KCTD19: variants seen among roughly 807,000 people sequenced by gnomAD.
KCTD19 encodes potassium channel tetramerization domain containing 19.
In KCTD19, 67 loss-of-function variants were observed where a neutral mutation model predicts 103.5. That is an observed-to-expected ratio of 0.65 (90% confidence interval 0.53 to 0.79). KCTD19 has a LOEUF of 0.79. Among genes scored for constraint, KCTD19 ranks in the 30% least tolerant of loss-of-function variants. The pLI is 0.00. For synonymous variants in KCTD19, 439 were observed against 452.2 expected (o/e 0.97, Z 0.37); for missense variants, 980 against 1,136.1 (o/e 0.86, Z 1.98).
At position 67,301,942 on chromosome 16, in the gene KCTD19, C is replaced by G. The variant is rs1567450136; in HGVS notation, c.644-20G>C. 1 of 1,613,342 alleles carries G rather than the reference C, an allele frequency of 6.2e-7. No homozygotes were observed. Among genetic ancestry groups the G allele is most frequent in the Non-Finnish European group, 8.5e-7 (1 of 1,179,496 alleles). ...AATTCACTTGAAAAACAAAGGGGAACACAGTGAGTTAATGAGGCTATTTCT... is the reference window on the plus strand; with the variant it reads ...AATTCACTTGAAAAACAAAGGGGAAGACAGTGAGTTAATGAGGCTATTTCT... On this transcript the variant is annotated intron_variant, in intron 4 of 15. Coordinates refer to ENST00000304372, the MANE Select transcript of KCTD19 (RefSeq NM_001100915.3).
intron 8 of KCTD19, 27 bp from the exon 9 acceptor site, chr16:67,295,432 G>A (rs771780952): frequency 6.3e-7 from 1 of 1,599,788 alleles, no homozygotes; most frequent in East Asian, 2.2e-5. Flanking sequence ...ACCGGACTCA[G>A]TCTCAGAGGC....
intron 15 of KCTD19, among the ~76,000 whole-genome samples, 184 bp downstream of exon 15, chr16:67,290,701 A>ACTGCTT (rs2036676799): frequency 6.6e-6 from 1 of 152,222 alleles, no homozygotes; most frequent in African/African-American, 2.4e-5. Context: ...TGGCCTGAAT[A>ACTGCTT]CTGCTTTTGG....
intron 1 of KCTD19, among the ~76,000 whole-genome samples, chr16:67,326,359 A>T (rs2142533406): frequency 6.6e-6 from 1 of 151,956 alleles, no homozygotes; most frequent in East Asian, 1.9e-4. Context: ...CCCACGCTCC[A>T]ATCCTTCAGA....
chr16:67,290,821 A>T, intron 15 of KCTD19, 64 bp downstream of exon 15: 1 of 1,416,382 alleles, frequency 7.1e-7, no homozygotes, highest in South Asian at 1.3e-5. Flanking sequence ...GTGCAGCAAG[A>T]CACACGTCCA....
In KCTD19 at chr16:67,295,425, G is replaced by A. The variant is rs537551325; in HGVS notation, c.1249-20C>T. ...TGGATACTGGAGGGGGTTGGACACC[G>A]GACTCAGTCTCAGAGGCTAGGTCTT... On this transcript the variant is annotated intron_variant, in intron 8 of 15. Coordinates refer to ENST00000304372, the MANE Select transcript of KCTD19 (RefSeq NM_001100915.3). 1.3e-5 allele frequency: 21 copies of A among 1,601,716 alleles called. No homozygotes were observed. Among genetic ancestry groups the A allele is most frequent in the East Asian group, 9.0e-5 (4 of 44,556 alleles).
In KCTD19 at chr16:67,294,953, T is replaced by G. The variant is rs749842965; in HGVS notation, c.1475+20A>C. The G allele has an allele frequency of 1.9e-6, 3 of 1,572,876 alleles. No homozygotes were observed. Among genetic ancestry groups the G allele is most frequent in the Non-Finnish European group, 2.6e-6 (3 of 1,142,746 alleles). On this transcript the variant is annotated intron_variant, in intron 10 of 15. Transcript: ENST00000304372. ...AAAGGACCAAATTCTAAACATAGAG[T>G]CGTGATAAAGTTTTCTTACTTGTAT...
At position 67,303,110 on chromosome 16, in the gene KCTD19, G is replaced by GGGGGGGGGGCCCCCCCCCCCCCCC; in HGVS notation, c.643+35_643+36insGGGGGGGGGGGGGGGCCCCCCCCC. The GGGGGGGGGGCCCCCCCCCCCCCCC allele has an allele frequency of 1.1e-6, 1 of 947,050 alleles. No homozygotes were observed. Among genetic ancestry groups the GGGGGGGGGGCCCCCCCCCCCCCCC allele is most frequent in the Non-Finnish European group, 1.6e-6 (1 of 621,078 alleles). 58.7% of individuals were successfully genotyped at this position (947,050 alleles called of 1,614,324 possible). A position where few individuals can be genotyped will look rare whatever the true frequency, so the allele number is the denominator to read the frequency against. Reference sequence around the variant, plus strand: ...GGGGAGGGGTGAATGGGCCCTATCAGCCCGCCCCCCACCCCACCCCGGACA... The same window carrying GGGGGGGGGGCCCCCCCCCCCCCCC: ...GGGGAGGGGTGAATGGGCCCTATCAGGGGGGGGGGCCCCCCCCCCCCCCCCCCGCCCCCCACCCCACCCCGGACA... On this transcript the variant is annotated intron_variant, in intron 4 of 15. Coordinates refer to ENST00000304372, the MANE Select transcript of KCTD19 (RefSeq NM_001100915.3). This position sits in a 1 kb window ranked among gnomAD's most constrained non-coding sequence, Gnocchi z 4.3.
rs763519582 is a variant in KCTD19, at chr16:67,320,592, C to A, written c.297G>T (p.Leu99=). 2 of 1,613,072 alleles carry A rather than the reference C, an allele frequency of 1.2e-6. No homozygotes were observed. The change falls in exon 2 of 16, where the codon CTG becomes CTT. Residue 99 remains leucine, a synonymous_variant. Transcript: ENST00000304372. This position sits in a 1 kb window ranked among gnomAD's most constrained non-coding sequence, Gnocchi z 4.0. ...CCAGAAAACAAGAGCATCTTACCTG[C>A]AGCAAAGGCATCAGCTGCAAACCCA... The part of the protein sequence containing the change: ...QALGLQLMPL[L]QTLDNLKEGK...
intron 2 of KCTD19, among the ~76,000 whole-genome samples, chr16:67,319,698 A>G (rs1343025687): frequency 6.6e-6 from 1 of 150,430 alleles, no homozygotes; most frequent in Non-Finnish European, 1.5e-5. Flanking sequence ...TATAATAATA[A>G]TAATAATAAT....
At chr16:67,294,941 C>G (rs1387585726) in intron 10 of KCTD19, 32 bp downstream of exon 10, 1 of 1,537,076 alleles carries the variant, frequency 6.5e-7, no homozygotes, top group African/African-American at 1.4e-5. Context: ...GGACCAAATT[C>G]TAAACATAGA....
At chr16:67,305,573 T>A in intron 2 of KCTD19, 1 of 455,646 alleles carries the variant, frequency 2.2e-6, no homozygotes, top group South Asian at 1.6e-5. Context: ...GCGGTCTTCG[T>A]GCCGCCCTTA....
intron 1 of KCTD19, among the ~76,000 whole-genome samples, chr16:67,324,893 A>G (rs1280255262): frequency 6.6e-6 from 1 of 152,244 alleles, no homozygotes; most frequent in African/African-American, 2.4e-5. Flanking sequence ...CAGAAAAGTC[A>G]ATCTAATGAG....
In KCTD19 at chr16:67,301,904, T is replaced by C. The variant is rs761874501; in HGVS notation, c.662A>G (p.Gln221Arg). ...FRFIVNFLRS[Q>R]KILLPDNFSN... Reference sequence around the variant, plus strand: ...GAAATTATCCGGTAGTAAAATCTTCTGTGAGCGAAGAAAATTCACTTGAAA... The same window carrying C: ...GAAATTATCCGGTAGTAAAATCTTCCGTGAGCGAAGAAAATTCACTTGAAA... The change falls in exon 5 of 16, where the codon CAG becomes CGG. Residue 221 changes from glutamine to arginine, a missense_variant. By Grantham distance (43) the Gln-to-Arg change is conservative. Transcript: ENST00000304372. The C allele has an allele frequency of 1.2e-6, 2 of 1,613,822 alleles. No individual in the cohort carries two copies. The highest frequency in any genetic ancestry group is 2.2e-5 in the East Asian group (1 of 44,898).
rs1430456705 is a variant in KCTD19 at position 67,320,691 on chromosome 16, C to T, written c.198G>A (p.Val66=). ...IDRDGSTFRH[V]HYYLYTSKLS... ...GTTTGGAGGTGTAGAGGTAATAGTGCACGTGCCTAAATGTGGAACCATCTC... is the reference window on the plus strand; with the variant it reads ...GTTTGGAGGTGTAGAGGTAATAGTGTACGTGCCTAAATGTGGAACCATCTC... The change falls in exon 2 of 16, where the codon GTG becomes GTA. Residue 66 remains valine (V), a synonymous_variant. Transcript: ENST00000304372. This position sits in a 1 kb window ranked among gnomAD's most constrained non-coding sequence, Gnocchi z 4.0. 1.2e-6 allele frequency: 2 copies of T among 1,614,040 alleles called. No individual in the cohort carries two copies. Among genetic ancestry groups the T allele is most frequent in the Non-Finnish European group, 1.7e-6 (2 of 1,180,038 alleles).
intron 15 of KCTD19, 27 bp from the exon 16 acceptor site, chr16:67,289,709 T>C: frequency 6.5e-7 from 1 of 1,541,340 alleles, no homozygotes; most frequent in East Asian, 2.2e-5. Context: ...GTCTTATCCC[T>C]GATTTCCTGG....
intron 6 of KCTD19, 139 bp from the exon 7 acceptor site, chr16:67,297,802 T>G: frequency 1.3e-6 from 1 of 756,196 alleles, no homozygotes; most frequent in East Asian, 2.9e-5. Flanking sequence ...TTCCTTGTAT[T>G]TTTTTTTTAG....
intron 5 of KCTD19, 116 bp from the exon 6 acceptor site, chr16:67,299,689 G>A (rs542004044): frequency 1.3e-6 from 1 of 792,588 alleles, no homozygotes; most frequent in Admixed American, 2.7e-5. Flanking sequence ...TCAGAGGAAG[G>A]ATATTTCTTT....
chr16:67,289,688 A>G lies in KCTD19; in HGVS notation c.2668-6T>C, dbSNP rs1461666011. Reference sequence around the variant, plus strand: ...CTGGCGAAGGGCAGTGTAAGCTGGAAGGAAAGGCCAGTCTTATCCCTGATT... The same window carrying G: ...CTGGCGAAGGGCAGTGTAAGCTGGAGGGAAAGGCCAGTCTTATCCCTGATT... On this transcript the variant is annotated splice_region_variant and splice_polypyrimidine_tract_variant and intron_variant, in intron 15 of 15. Coordinates refer to ENST00000304372, the MANE Select transcript of KCTD19 (RefSeq NM_001100915.3). 2 of 1,600,032 alleles carry G rather than the reference A, an allele frequency of 1.2e-6. No homozygotes were observed. The highest frequency in any genetic ancestry group is 2.7e-5 in the African/African-American group (2 of 74,632).
intron 14 of KCTD19, 77 bp from the exon 15 acceptor site, chr16:67,291,063 C>T: frequency 6.8e-7 from 1 of 1,481,468 alleles, no homozygotes; most frequent in Non-Finnish European, 9.3e-7. Flanking sequence ...GCGGGGACTT[C>T]TCTGGGCCCA....
Sources: gnomAD v4.1 joint callset for allele counts (sites outside exome capture counted in the v4.1 genomes callset) on GRCh38, gnomAD v4.1.1 for gene constraint, Gnocchi (gnomAD v3.1) non-coding constraint, MANE v1.5 for transcripts, NCBI Gene and HGNC (gene_info 2026-07-23, HGNC 2026-07-21) for gene names.